The following CAMK1D variants were observed in gnomAD, a reference collection of about 807,000 sequenced individuals.
CAMK1D encodes the protein calcium/calmodulin-dependent protein kinase type 1D.
A neutral mutation model predicts 47.7 loss-of-function variants in CAMK1D; 9 were observed. The observed-to-expected ratio is 0.19, with a 90% CI of 0.11 to 0.33. The LOEUF is 0.33. Among genes scored for constraint, CAMK1D ranks in the 10% least tolerant of loss-of-function variants. The pLI is 1.00. For missense variants in CAMK1D, 291 were observed against 488.7 expected, an observed-to-expected ratio of 0.60 and a Z score of 3.81; for synonymous variants, 184 against 184.9, an observed-to-expected ratio of 0.99 and a Z score of 0.04.
intron 3 of CAMK1D, among the ~76,000 whole-genome samples, chr10:12,747,494 A>G (rs1835740398): frequency 6.6e-6 from 1 of 151,878 alleles, no homozygotes; most frequent in Non-Finnish European, 1.5e-5. Context: ...TTTTGAAGAG[A>G]CAGGAGCGGA....
At chr10:12,530,776 G>T (rs1835779498) in intron 1 of CAMK1D, among the ~76,000 whole-genome samples, 1 of 152,136 alleles carries the variant, frequency 6.6e-6, no homozygotes, top group African/African-American at 2.4e-5. Context: ...TTGAGATTAG[G>T]CTGGGTGTGG....
intron 2 of CAMK1D, among the ~76,000 whole-genome samples, chr10:12,574,419 A>C (rs12573132): frequency 0.05 from 7,337 of 147,658 alleles, 254 homozygotes; most frequent in East Asian, 0.14. Context: ...CTCATGCCTC[A>C]GCCTCCTGAG....
chr10:12,810,707 G>A (rs1287461669), intron 6 of CAMK1D, among the ~76,000 whole-genome samples: 1 of 152,206 alleles, frequency 6.6e-6, no homozygotes, highest in Non-Finnish European at 1.5e-5. Context: ...AGAACACAAA[G>A]TCAGATTGAC....
At chr10:12,810,394 C>G (rs1201331955) in intron 6 of CAMK1D, among the ~76,000 whole-genome samples, 1 of 151,520 alleles carries the variant, frequency 6.6e-6, no homozygotes, top group African/African-American at 2.4e-5. Flanking sequence ...CCTGCCTAAG[C>G]CTCCCGTGTA....
chr10:12,448,010 C>T (rs187519679), intron 1 of CAMK1D, among the ~76,000 whole-genome samples: 10 of 151,970 alleles, frequency 6.6e-5, no homozygotes, highest in Admixed American at 6.6e-4. Flanking sequence ...TGCCACTACA[C>T]CTGGCTAATT....
chr10:12,631,221 T>G (rs984301118), intron 2 of CAMK1D, among the ~76,000 whole-genome samples: 2 of 152,120 alleles, frequency 1.3e-5, no homozygotes, highest in Non-Finnish European at 2.9e-5. Context: ...GAGTGTGACT[T>G]TTGTGAGAAA....
intron 3 of CAMK1D, among the ~76,000 whole-genome samples, chr10:12,755,967 C>T (rs552172772): frequency 6.6e-6 from 1 of 152,312 alleles, no homozygotes; most frequent in Admixed American, 6.5e-5. Context: ...GTCTCTTCTC[C>T]ACTCCCCTGG....
chr10:12,758,588 T>C (rs1158088113), intron 3 of CAMK1D, among the ~76,000 whole-genome samples: 1 of 152,224 alleles, frequency 6.6e-6, no homozygotes, highest in Admixed American at 6.5e-5. Flanking sequence ...TTTCACTGCA[T>C]TGCTGCCCTA....
intron 3 of CAMK1D, among the ~76,000 whole-genome samples, chr10:12,755,829 A>G (rs41380844): frequency 0.24 from 36,293 of 152,036 alleles, 4,389 homozygotes; most frequent in Middle Eastern, 0.31. Flanking sequence ...ATCACAGCCT[A>G]CAGATTTCAA....
Position 12,799,726 on chromosome 10 carries a change from T to C in CAMK1D, c.641+8493T>C, listed in dbSNP as rs79067387. ...GTTTTTTCCCAACTTCCTGCAGATG[T>C]ATTTGGCCCTTTAGGAGGAGGCTTG... On this transcript the variant is annotated intron_variant, in intron 6 of 10. Coordinates refer to ENST00000619168, the MANE Select transcript of CAMK1D (RefSeq NM_153498.4). 3.6e-3 allele frequency among the ~76,000 whole-genome samples: 550 copies of C among 152,276 alleles called. 9 individuals carry two copies. The East Asian group carries it at 0.05, about 14-fold the overall frequency.
chr10:12,609,831 G>T (rs1399539812), intron 2 of CAMK1D, among the ~76,000 whole-genome samples: 5 of 152,138 alleles, frequency 3.3e-5, no homozygotes, highest in Admixed American at 3.3e-4. Context: ...AGAAAAGTCA[G>T]CAGAGACCCC....
At chr10:12,791,712 T>TA (rs1446361440) in intron 6 of CAMK1D, among the ~76,000 whole-genome samples, 1 of 152,256 alleles carries the variant, frequency 6.6e-6, no homozygotes, top group Non-Finnish European at 1.5e-5. Context: ...ATGTTTTGTT[T>TA]ATCCCCTTGG....
rs1279406053 is a variant in CAMK1D at position 12,418,206 on chromosome 10, C to T, written c.92+68296C>T. On this transcript the variant is annotated intron_variant, in intron 1 of 10. Transcript: ENST00000619168. Reference sequence around the variant, plus strand: ...GGAGAATGAATTACTTGGTAGGCCTCAGTCCAGCAGGTCAGATGAGGCAGA... The same window carrying T: ...GGAGAATGAATTACTTGGTAGGCCTTAGTCCAGCAGGTCAGATGAGGCAGA... Among the ~76,000 whole-genome samples, 4 of 152,338 alleles carry T rather than the reference C, an allele frequency of 2.6e-5. No homozygotes were observed. The East Asian group carries it at 7.7e-4, about 29-fold the overall frequency.
intron 1 of CAMK1D, among the ~76,000 whole-genome samples, chr10:12,428,645 C>T (rs553282747): frequency 6.6e-6 from 1 of 152,340 alleles, no homozygotes; most frequent in East Asian, 1.9e-4. Context: ...TGTCCCATGT[C>T]AGGCTTCTGC....
chr10:12,490,505 G>A lies in CAMK1D; in HGVS notation c.93-62720G>A, dbSNP rs1183031330. ...AGCAGAACATTATTACTTTCTTAAAGTGATAGAATTAGGGCAGTCTCACTG... is the reference window on the plus strand; with the variant it reads ...AGCAGAACATTATTACTTTCTTAAAATGATAGAATTAGGGCAGTCTCACTG... On this transcript the variant is annotated intron_variant, in intron 1 of 10. Transcript: ENST00000619168. Among the ~76,000 whole-genome samples, 5 of 152,308 alleles carry A rather than the reference G, an allele frequency of 3.3e-5. No homozygotes were observed. In the South Asian group the frequency reaches 6.2e-4, roughly 19 times the overall value.
At chr10:12,595,342 G>GAAAAAA (rs535214333) in intron 2 of CAMK1D, among the ~76,000 whole-genome samples, 8,553 of 23,448 alleles carry the variant, frequency 0.36, 3,478 homozygotes, top group East Asian at 0.45. Context: ...AACTCCATCT[G>GAAAAAA]AAAAAAAAAA....
intron 6 of CAMK1D, among the ~76,000 whole-genome samples, chr10:12,800,086 C>A (rs1020898162): frequency 1.1e-4 from 17 of 152,186 alleles, no homozygotes; most frequent in African/African-American, 3.6e-4. Flanking sequence ...GCCGGAGTCA[C>A]CCTCTGCATG....
chr10:12,711,818 A>T (rs1017125242), intron 3 of CAMK1D, among the ~76,000 whole-genome samples: 1 of 152,242 alleles, frequency 6.6e-6, no homozygotes, highest in African/African-American at 2.4e-5. Context: ...GGCAACATTG[A>T]CAGCAGTGAT....
chr10:12,385,397 A>C (rs1377994346), intron 1 of CAMK1D, among the ~76,000 whole-genome samples: 1 of 152,256 alleles, frequency 6.6e-6, no homozygotes, highest in African/African-American at 2.4e-5. Flanking sequence ...TATCCATACA[A>C]TGATGTGATA....
Sources: gnomAD v4.1 joint callset for allele counts (sites outside exome capture counted in the v4.1 genomes callset) on GRCh38, gnomAD v4.1.1 for gene constraint, MANE v1.5 for transcripts, NCBI Gene and HGNC (gene_info 2026-07-23, HGNC 2026-07-21) for gene names.